NSMAF: variants seen among roughly 807,000 people sequenced by gnomAD.
The protein encoded by NSMAF is neutral sphingomyelinase activation associated factor.
A neutral mutation model predicts 134.9 loss-of-function variants in NSMAF; 90 were observed. That is an observed-to-expected ratio of 0.67 (90% CI 0.56 to 0.79). The LOEUF is 0.79. Among genes scored for constraint, NSMAF ranks in the 30% least tolerant of loss-of-function variants. The pLI is 0.00. For synonymous variants in NSMAF, 358 were observed against 389.6 expected, an observed-to-expected ratio of 0.92 and a Z score of 0.96; for missense variants, 1,010 against 1,119.0, an observed-to-expected ratio of 0.90 and a Z score of 1.39.
chr8:58,599,154 G>T, intron 19 of NSMAF, 78 bp downstream of exon 19: 1 of 1,400,048 alleles, frequency 7.1e-7, no homozygotes, highest in Non-Finnish European at 9.8e-7. Context: ...GGTATTGTTT[G>T]CTTTCATTTT....
At chr8:58,592,468 T>C (rs1201342506) in intron 23 of NSMAF, among the ~76,000 whole-genome samples, 5 of 152,228 alleles carry the variant, frequency 3.3e-5, no homozygotes, top group Non-Finnish European at 7.3e-5. Context: ...AAACATACTG[T>C]ATACTAGAAG....
At chr8:58,649,422 T>TTA (rs1338586299) in intron 1 of NSMAF, among the ~76,000 whole-genome samples, 1 of 152,150 alleles carries the variant, frequency 6.6e-6, no homozygotes. Flanking sequence ...AAGTTAACAC[T>TTA]TTGGGGGACT....
rs1806442786 is a variant in NSMAF at position 58,607,813 on chromosome 8, C to G, written c.715G>C (p.Asp239His). 1 of 1,614,084 alleles carries G rather than the reference C, an allele frequency of 6.2e-7. No individual in the cohort carries two copies. The change falls in exon 11 of 31, where the codon GAT becomes CAT. Residue 239 changes from aspartate to histidine, a missense_variant. Coordinates refer to ENST00000038176, the MANE Select transcript of NSMAF (RefSeq NM_003580.4). The stretch of plus-strand genomic sequence containing the variant: ...CTCCTTTTGTAGATGCGGCGGACAT[C>G]TTGGAGTGTTATCTGGACCACAGGT... The part of the protein sequence containing the change: ...PKPVVQITLQ[D>H]VRRIYKRRHG...
intron 1 of NSMAF, among the ~76,000 whole-genome samples, chr8:58,658,875 C>T (rs1206752684): frequency 1.3e-5 from 2 of 152,210 alleles, no homozygotes; most frequent in East Asian, 3.9e-4. Flanking sequence ...AGAATGAGTG[C>T]TCCGCTGCCG....
intron 27 of NSMAF, among the ~76,000 whole-genome samples, chr8:58,587,394 C>A (rs1805909497): frequency 6.6e-6 from 1 of 152,158 alleles, no homozygotes; most frequent in Non-Finnish European, 1.5e-5. Flanking sequence ...GTAGCTAATT[C>A]TCAGGGAAAT....
chr8:58,641,853 T>A (rs1206121441), intron 2 of NSMAF, among the ~76,000 whole-genome samples: 1 of 152,182 alleles, frequency 6.6e-6, no homozygotes, highest in Non-Finnish European at 1.5e-5. Context: ...TTTGCCCTAA[T>A]AGTTACTTTA....
chr8:58,631,452 A>G (rs917990425), intron 6 of NSMAF, 44 bp downstream of exon 6: 2 of 1,182,282 alleles, frequency 1.7e-6, no homozygotes, highest in Admixed American at 2.5e-5. Context: ...ATTGTTCAAA[A>G]TGACTATATA....
intron 6 of NSMAF, among the ~76,000 whole-genome samples, chr8:58,628,426 A>G (rs781612327): frequency 9.8e-5 from 15 of 152,350 alleles, no homozygotes; most frequent in Non-Finnish European, 1.9e-4. Context: ...AGTCACATAC[A>G]AAAACTATTC....
chr8:58,602,133 C>T lies in NSMAF; in HGVS notation c.1050G>A (p.Leu350=), dbSNP rs1275807929. ...GATCCCGGAAGGTTCCTGGATTTGA[C>T]AAATCTATAAACATAAATCAATAAA... is the stretch of plus-strand genomic sequence containing the variant. ...IHDYSSSELD[L]SNPGTFRDLS... Residue 350 remains leucine (L), a synonymous_variant, in exon 14 of 31, where the codon TTG becomes TTA. Transcript: ENST00000038176. The T allele has an allele frequency of 6.2e-7, 1 of 1,611,556 alleles. No homozygotes were observed. The highest frequency in any genetic ancestry group is 2.2e-5 in the East Asian group (1 of 44,842).
intron 2 of NSMAF, among the ~76,000 whole-genome samples, chr8:58,636,315 C>T (rs1331931296): frequency 6.6e-6 from 1 of 152,114 alleles, no homozygotes; most frequent in Non-Finnish European, 1.5e-5. Context: ...AATATTTTAG[C>T]AAAAATCTCT....
intron 1 of NSMAF, among the ~76,000 whole-genome samples, chr8:58,645,744 C>A (rs766677682): frequency 6.6e-6 from 1 of 150,608 alleles, no homozygotes; most frequent in Admixed American, 6.6e-5. Context: ...AGATGCTCAT[C>A]AAAAAAAAAT....
intron 6 of NSMAF, among the ~76,000 whole-genome samples, chr8:58,624,548 C>G (rs746888635): frequency 6.6e-6 from 1 of 151,128 alleles, no homozygotes; most frequent in African/African-American, 2.4e-5. Flanking sequence ...TTAATTTTCA[C>G]ATATTCTCAG....
intron 20 of NSMAF, 27 bp from the exon 21 acceptor site, chr8:58,597,577 G>A (rs1806167459): frequency 6.2e-7 from 1 of 1,610,398 alleles, no homozygotes; most frequent in East Asian, 2.2e-5. Context: ...AAATAATGCA[G>A]TGAACCACTA....
chr8:58,620,803 C>T (rs778228334), intron 9 of NSMAF, among the ~76,000 whole-genome samples: 23 of 152,102 alleles, frequency 1.5e-4, no homozygotes, highest in Non-Finnish European at 2.4e-4. Flanking sequence ...CCAGTTAGAC[C>T]GAGGAGAGCT....
chr8:58,588,886 T>C, intron 26 of NSMAF: 1 of 669,994 alleles, frequency 1.5e-6, no homozygotes. Context: ...AACTCTGCTA[T>C]TGAATGAATG....
chr8:58,647,943 C>T (rs1288111831), intron 1 of NSMAF, among the ~76,000 whole-genome samples: 1 of 152,136 alleles, frequency 6.6e-6, no homozygotes, highest in Non-Finnish European at 1.5e-5. Flanking sequence ...GGGTAACAGG[C>T]AGAAGCTGGA....
chr8:58,651,908 T>G (rs2129148578), intron 1 of NSMAF, among the ~76,000 whole-genome samples: 1 of 152,312 alleles, frequency 6.6e-6, no homozygotes, highest in Non-Finnish European at 1.5e-5. Context: ...TGGACAACAC[T>G]TTGACTAACA....
chr8:58,631,809 T>C (rs889378997), intron 5 of NSMAF, among the ~76,000 whole-genome samples: 2 of 152,094 alleles, frequency 1.3e-5, no homozygotes, highest in African/African-American at 4.8e-5. Flanking sequence ...AGACATTTTA[T>C]GAATGCCATC....
chr8:58,599,164 T>C (rs1806213921), intron 19 of NSMAF, 68 bp downstream of exon 19: 5 of 1,475,928 alleles, frequency 3.4e-6, no homozygotes, highest in Non-Finnish European at 4.6e-6. Flanking sequence ...GCTTTCATTT[T>C]CCAATGAAAA....
Sources: gnomAD v4.1 joint callset for allele counts (sites outside exome capture counted in the v4.1 genomes callset) on GRCh38, gnomAD v4.1.1 for gene constraint, MANE v1.5 for transcripts, NCBI Gene and HGNC (gene_info 2026-07-23, HGNC 2026-07-21) for gene names.